The following RBFOX1 variants were observed in gnomAD, a reference collection of about 807,000 sequenced individuals.
The protein encoded by RBFOX1 is RNA binding fox-1 homolog 1.
Under a neutral mutation model 57.7 loss-of-function variants are expected in RBFOX1, and 8 were observed. That is an observed-to-expected ratio of 0.14 (90% CI 0.08 to 0.25). The LOEUF (loss-of-function observed/expected upper bound fraction) is 0.25. Ranked by LOEUF, RBFOX1 falls within the 10% of genes least tolerant of loss-of-function variation. The pLI is 1.00. For missense variants in RBFOX1, 611 were observed against 548.5 expected (o/e 1.11, Z -1.14); for synonymous variants, 326 against 222.4 (o/e 1.47, Z -4.15).
At chr16:6,032,752 G>A (rs1263403090) in intron 1 of RBFOX1, among the ~76,000 whole-genome samples, 1 of 152,096 alleles carries the variant, frequency 6.6e-6, no homozygotes, top group African/African-American at 2.4e-5. Context: ...AAGATCATGA[G>A]GCAACGTTTT....
At chr16:6,502,085 C>T (rs1217836896) in intron 2 of RBFOX1, among the ~76,000 whole-genome samples, 2 of 152,180 alleles carry the variant, frequency 1.3e-5, no homozygotes, top group Non-Finnish European at 2.9e-5. Flanking sequence ...TTGGGTCATT[C>T]CTTGTGTAAC....
chr16:6,348,544 C>T (rs958474729), intron 2 of RBFOX1, among the ~76,000 whole-genome samples: 4 of 152,064 alleles, frequency 2.6e-5, no homozygotes, highest in Non-Finnish European at 4.4e-5. Context: ...AAGAAATGAG[C>T]ATTAATTGGA....
At chr16:5,867,967 C>G (rs1241338651) in intron 4 of RBFOX1, among the ~76,000 whole-genome samples, 1 of 152,150 alleles carries the variant, frequency 6.6e-6, no homozygotes, top group African/African-American at 2.4e-5. Flanking sequence ...TCGCCTCAGC[C>G]TCCTAAAATG....
At chr16:5,842,462 G>A (rs1464671390) in intron 3 of RBFOX1, among the ~76,000 whole-genome samples, 1 of 152,172 alleles carries the variant, frequency 6.6e-6, no homozygotes, top group African/African-American at 2.4e-5. Flanking sequence ...AGGCAAGCAT[G>A]TATTAAGCAC....
intron 4 of RBFOX1, chr16:7,510,427 A>C (rs2152035967): frequency 2.5e-6 from 2 of 799,126 alleles, no homozygotes; most frequent in African/African-American, 1.9e-5. Context: ...TTGCTGCTTG[A>C]ATCATGCCCG....
chr16:6,585,459 C>T lies in RBFOX1; in HGVS notation c.-63-69144C>T, dbSNP rs1301812626. On this transcript the variant is annotated intron_variant, in intron 2 of 15. Coordinates refer to ENST00000550418, the MANE Select transcript of RBFOX1 (RefSeq NM_018723.4). Reference sequence around the variant, plus strand: ...TATTCTCGGTCCCCTTTGAATAGAACCTTAGATCCCCCATGTCACATTCAA... The same window carrying T: ...TATTCTCGGTCCCCTTTGAATAGAATCTTAGATCCCCCATGTCACATTCAA... Among the ~76,000 whole-genome samples the T allele has an allele frequency of 3.9e-5, 6 of 152,144 alleles. No individual in the cohort carries two copies. In the East Asian group the frequency reaches 1.2e-3, roughly 29 times the overall value.
Position 7,615,852 on chromosome 16 carries a change from A to G in RBFOX1, c.676+8514A>G, listed in dbSNP as rs565237356. ...AATCGTTATCTGGCCCAAAATGTCA[A>G]TAGTGCTGGGTTTGAGAAATTCTGT... On this transcript the variant is annotated intron_variant, in intron 10 of 15. Transcript: ENST00000550418. Among the ~76,000 whole-genome samples the G allele has an allele frequency of 1.5e-4, 23 of 152,294 alleles. No individual in the cohort carries two copies. The East Asian group carries it at 2.7e-3, about 18-fold the overall frequency.
At chr16:6,207,178 T>G (rs574833941) in intron 1 of RBFOX1, among the ~76,000 whole-genome samples, 2 of 152,218 alleles carry the variant, frequency 1.3e-5, no homozygotes, top group East Asian at 3.9e-4. Flanking sequence ...TGCTGGACTC[T>G]TTCGTTTCCC....
Position 5,949,613 on chromosome 16 carries a change from G to A in RBFOX1, c.351+82278G>A, listed in dbSNP as rs921490946. Among the ~76,000 whole-genome samples the A allele has an allele frequency of 4.7e-5, 7 of 150,518 alleles. No homozygotes were observed. In the South Asian group the frequency reaches 1.5e-3, roughly 32 times the overall value. Reference sequence around the variant, plus strand: ...GGTTACAATGTCTCGAGTCTTTTGTGTTGTAGCATGGGTCACCCACTCTTT... The same window carrying A: ...GGTTACAATGTCTCGAGTCTTTTGTATTGTAGCATGGGTCACCCACTCTTT... On this transcript the variant is annotated intron_variant, in intron 4 of 19. Coordinates refer to the RBFOX1 transcript ENST00000641259.
chr16:7,233,745 A>T (rs2152931198), intron 4 of RBFOX1, among the ~76,000 whole-genome samples: 1 of 152,300 alleles, frequency 6.6e-6, no homozygotes, highest in African/African-American at 2.4e-5. Flanking sequence ...AGAGAAACAT[A>T]ACAACATTTG....
At chr16:5,644,126 C>T (rs1230249790) in intron 3 of RBFOX1, among the ~76,000 whole-genome samples, 1 of 152,086 alleles carries the variant, frequency 6.6e-6, no homozygotes, top group Non-Finnish European at 1.5e-5. Context: ...TTCATAAAAG[C>T]AGAAGTTCAT....
At chr16:7,073,664 C>T (rs1336472224) in intron 4 of RBFOX1, among the ~76,000 whole-genome samples, 1 of 151,670 alleles carries the variant, frequency 6.6e-6, no homozygotes, top group Non-Finnish European at 1.5e-5. Context: ...GGCACCATGG[C>T]AAAACCCCTT....
At chr16:6,090,462 A>G (rs1303712819) in intron 1 of RBFOX1, among the ~76,000 whole-genome samples, 1 of 152,194 alleles carries the variant, frequency 6.6e-6, no homozygotes, top group Non-Finnish European at 1.5e-5. Flanking sequence ...CAGCTATAGA[A>G]AGTTGAAACC....
chr16:5,694,870 A>G (rs1324646815), intron 3 of RBFOX1, among the ~76,000 whole-genome samples: 2 of 151,790 alleles, frequency 1.3e-5, no homozygotes, highest in East Asian at 2.0e-4. Flanking sequence ...CAGATTTTGG[A>G]GAGACAATGA....
chr16:6,700,367 A>C (rs5815342), intron 3 of RBFOX1, among the ~76,000 whole-genome samples: 20,858 of 151,610 alleles, frequency 0.14, 2,150 homozygotes, highest in African/African-American at 0.29. Flanking sequence ...CAAAAAAAAA[A>C]AGAATTTTGA....
chr16:5,842,269 A>T (rs1299149174), intron 3 of RBFOX1, among the ~76,000 whole-genome samples: 4 of 152,122 alleles, frequency 2.6e-5, no homozygotes, highest in Admixed American at 2.0e-4. Flanking sequence ...AGATCATCAT[A>T]TGAGAAGTAG....
At chr16:6,683,264 G>A (rs2058942981) in intron 3 of RBFOX1, among the ~76,000 whole-genome samples, 1 of 152,248 alleles carries the variant, frequency 6.6e-6, no homozygotes, top group African/African-American at 2.4e-5. Flanking sequence ...CAGTGCAGAG[G>A]TCAAATTTTT....
At chr16:5,945,346 G>A (rs1318204234) in intron 4 of RBFOX1, among the ~76,000 whole-genome samples, 3 of 152,312 alleles carry the variant, frequency 2.0e-5, no homozygotes, top group African/African-American at 7.2e-5. Context: ...TTACAATAAA[G>A]GTAACTGGAT....
chr16:6,167,141 T>G (rs1402919817), intron 1 of RBFOX1, among the ~76,000 whole-genome samples: 2 of 152,166 alleles, frequency 1.3e-5, no homozygotes, highest in Non-Finnish European at 2.9e-5. Flanking sequence ...ATAGTGGCGT[T>G]GTGTTGCTAA....
Sources: gnomAD v4.1 joint callset for allele counts (sites outside exome capture counted in the v4.1 genomes callset) on GRCh38, gnomAD v4.1.1 for gene constraint, MANE v1.5 for transcripts, NCBI Gene and HGNC (gene_info 2026-07-23, HGNC 2026-07-21) for gene names.